The following PCDHGB2 variants were observed in gnomAD, a reference collection of about 807,000 sequenced individuals.
PCDHGB2 encodes protocadherin gamma-B2.
PCDHGB2 carries 55 observed loss-of-function variants against 59.3 expected under a neutral mutation model. That is an observed-to-expected ratio of 0.93 (90% confidence interval 0.75 to 1.16). PCDHGB2 has a LOEUF of 1.16. Ranked by LOEUF, PCDHGB2 falls within the 50% of genes most tolerant of loss-of-function variation. The probability of loss-of-function intolerance (pLI) is 0.00; values close to 1 mark genes in which losing one functional copy is unlikely to be tolerated. For synonymous variants in PCDHGB2, 516 were observed against 512.0 expected (o/e 1.01, Z -0.11); for missense variants, 1,228 against 1,198.5 (o/e 1.02, Z -0.36).
At chr5:141,472,729 T>G (rs2099294506) in intron 1 of PCDHGB2, among the ~76,000 whole-genome samples, 1 of 152,004 alleles carries the variant, frequency 6.6e-6, no homozygotes. Context: ...CTCACACCTG[T>G]AATCCCAGCA....
intron 1 of PCDHGB2, chr5:141,404,513 G>A: frequency 1.2e-6 from 2 of 1,613,786 alleles, no homozygotes; most frequent in Non-Finnish European, 1.7e-6. Context: ...GTGCTCCTTT[G>A]ACTATGAGCA....
chr5:141,497,148 A>G (rs1436451953), intron 2 of PCDHGB2, among the ~76,000 whole-genome samples: 1 of 152,122 alleles, frequency 6.6e-6, no homozygotes, highest in Non-Finnish European at 1.5e-5. Context: ...ATCACGAAAA[A>G]AAAATAATCT....
At position 141,512,644 on chromosome 5, in the gene PCDHGB2, G is replaced by T. The variant is rs1283774989; in HGVS notation, c.*1471G>T. Reference sequence around the variant, plus strand: ...ACCCCAGACCTGCCCTTACAGTAGTGTAGCGCCCCCTCCCTCTTTCGGCTG... The same window carrying T: ...ACCCCAGACCTGCCCTTACAGTAGTTTAGCGCCCCCTCCCTCTTTCGGCTG... On this transcript the variant is annotated 3_prime_UTR_variant, in exon 4 of 4. Coordinates refer to ENST00000522605, the MANE Select transcript of PCDHGB2 (RefSeq NM_018923.3). 1 of 152,528 alleles carries T rather than the reference G, an allele frequency of 6.6e-6. No individual in the cohort carries two copies. The allele number at this position is 152,528 out of a possible 1,614,324, so 9.4% of individuals were successfully genotyped here.
intron 1 of PCDHGB2, among the ~76,000 whole-genome samples, chr5:141,382,057 G>A (rs1777911677): frequency 6.6e-6 from 1 of 151,794 alleles, no homozygotes; most frequent in Non-Finnish European, 1.5e-5. Flanking sequence ...TCAAGCTCCC[G>A]ACCTCAGGTG....
At chr5:141,479,975 C>A (rs1459297521) in intron 1 of PCDHGB2, among the ~76,000 whole-genome samples, 1 of 152,186 alleles carries the variant, frequency 6.6e-6, no homozygotes, top group East Asian at 1.9e-4. Context: ...TGAGGTTCTA[C>A]CATTTACCAA....
At chr5:141,388,126 G>T (rs531546122) in intron 1 of PCDHGB2, 7 of 1,431,030 alleles carry the variant, frequency 4.9e-6, no homozygotes, top group East Asian at 2.4e-5. Flanking sequence ...AGCGCAGAGA[G>T]CGGGGAGTTG....
chr5:141,422,088 CA>C (rs1235447839), intron 1 of PCDHGB2: 2 of 1,611,912 alleles, frequency 1.2e-6, no homozygotes, highest in Non-Finnish European at 1.7e-6. Flanking sequence ...ACATGGAAAG[CA>C]AGGCTTCTGA....
At chr5:141,414,048 G>A in intron 1 of PCDHGB2, 1 of 1,610,508 alleles carries the variant, frequency 6.2e-7, no homozygotes, top group Non-Finnish European at 8.5e-7. Flanking sequence ...TACCTGACAC[G>A]CAATTGTTGA....
chr5:141,424,018 CACAA>C (rs909442976), intron 1 of PCDHGB2: 3 of 1,051,682 alleles, frequency 2.9e-6, no homozygotes, highest in South Asian at 4.6e-5. Context: ...ATTAATGATT[CACAA>C]ACACTTTTTA....
chr5:141,396,870 A>G (rs536206475), intron 1 of PCDHGB2, among the ~76,000 whole-genome samples: 3 of 152,328 alleles, frequency 2.0e-5, no homozygotes, highest in African/African-American at 7.2e-5. Flanking sequence ...TACCATTTGG[A>G]TGCACATTTG....
At chr5:141,465,894 G>A (rs970043849) in intron 1 of PCDHGB2, among the ~76,000 whole-genome samples, 1 of 152,098 alleles carries the variant, frequency 6.6e-6, no homozygotes, top group Non-Finnish European at 1.5e-5. Flanking sequence ...AGGCCGAGGC[G>A]GGCAAATCAC....
Position 141,423,752 on chromosome 5 carries a change from G to A in PCDHGB2, c.2421+61196G>A, listed in dbSNP as rs749899386. 4.7e-6 allele frequency: 3 copies of A among 644,956 alleles called. 1 individual carries two copies. The highest frequency in any genetic ancestry group is 1.1e-4 in the South Asian group (2 of 17,914). 40.0% of individuals were successfully genotyped at this position (644,956 alleles called of 1,614,324 possible). ...TTGAGCCTGTTATGAAAACTGTTTGGGGGGGGGGTGGGGCGGCATATATTT... is the reference window on the plus strand; with the variant it reads ...TTGAGCCTGTTATGAAAACTGTTTGAGGGGGGGGTGGGGCGGCATATATTT... On this transcript the variant is annotated intron_variant, in intron 1 of 3. Transcript: ENST00000522605.
At chr5:141,410,471 G>GC in intron 1 of PCDHGB2, 1 of 1,613,988 alleles carries the variant, frequency 6.2e-7, no homozygotes, top group Non-Finnish European at 8.5e-7. Flanking sequence ...TCTGTGCATT[G>GC]CACATACGGG....
At chr5:141,484,801 A>G (rs1285617622) in intron 1 of PCDHGB2, among the ~76,000 whole-genome samples, 3 of 152,024 alleles carry the variant, frequency 2.0e-5, no homozygotes, top group African/African-American at 7.2e-5. Flanking sequence ...CAACCCGTGG[A>G]AAAACATGCC....
chr5:141,389,675 A>C, intron 1 of PCDHGB2: 1 of 1,612,412 alleles, frequency 6.2e-7, no homozygotes, highest in Non-Finnish European at 8.5e-7. Flanking sequence ...CAGACTCAGG[A>C]CACAACGCCT....
At chr5:141,423,050 G>T (rs1434973750) in intron 1 of PCDHGB2, 2 of 1,614,068 alleles carry the variant, frequency 1.2e-6, no homozygotes, top group Admixed American at 1.7e-5. Context: ...CTGTCCTATC[G>T]CCTGCTTAAG....
chr5:141,415,031 G>T lies in PCDHGB2; in HGVS notation c.2421+52475G>T, dbSNP rs982540695. The T allele has an allele frequency of 6.2e-6, 10 of 1,613,464 alleles. No individual in the cohort carries two copies. The highest frequency in any genetic ancestry group is 6.8e-6 in the Non-Finnish European group (8 of 1,179,984). On this transcript the variant is annotated intron_variant, in intron 1 of 3. Transcript: ENST00000522605. ...CGTCTGCTCAAGGCCAGCGAGCCGGGACTCTTCGCGGTGGGGGAGCACACG... is the reference window on the plus strand; with the variant it reads ...CGTCTGCTCAAGGCCAGCGAGCCGGTACTCTTCGCGGTGGGGGAGCACACG...
intron 1 of PCDHGB2, chr5:141,393,248 C>A: frequency 4.3e-6 from 7 of 1,613,798 alleles, no homozygotes; most frequent in Non-Finnish European, 5.9e-6. Flanking sequence ...TTAACGAAAT[C>A]GCGGTTCCTG....
intron 1 of PCDHGB2, chr5:141,410,203 C>T: frequency 1.9e-6 from 3 of 1,614,022 alleles, no homozygotes; most frequent in Non-Finnish European, 2.5e-6. Flanking sequence ...TCGCAGACAA[C>T]TTGCAAGAGA....
Sources: allele counts gnomAD v4.1 joint callset (sites outside exome capture counted in the v4.1 genomes callset), GRCh38; gene constraint gnomAD v4.1.1; transcripts MANE v1.5; gene names NCBI Gene and HGNC (gene_info 2026-07-23, HGNC 2026-07-21).